The following TSPOAP1 variants were observed in gnomAD, a reference collection of about 807,000 sequenced individuals.
TSPOAP1 encodes TSPO associated protein 1.
A neutral mutation model predicts 197.0 loss-of-function variants in TSPOAP1; 87 were observed. The ratio of observed to expected loss-of-function variants is 0.44; its 90% CI spans 0.37 to 0.53. The LOEUF (loss-of-function observed/expected upper bound fraction) is 0.53, where lower values mean the gene tolerates loss of function less well. Ranked by LOEUF, TSPOAP1 falls within the 20% of genes least tolerant of loss-of-function variation. The pLI is 0.00. For synonymous variants in TSPOAP1, 913 were observed against 998.9 expected, an observed-to-expected ratio of 0.91 and a Z score of 1.62; for missense variants, 2,174 against 2,411.3, an observed-to-expected ratio of 0.90 and a Z score of 2.06.
chr17:58,304,911 C>G lies in TSPOAP1; in HGVS notation c.5544+150G>C, dbSNP rs764269718. 1.4e-5 allele frequency: 10 copies of G among 714,728 alleles called. No individual in the cohort carries two copies. The Admixed American group carries it at 1.8e-4, about 13-fold the overall frequency. The allele number at this position is 714,728 out of a possible 1,614,324, so 44.3% of individuals were successfully genotyped here. On this transcript the variant is annotated intron_variant, in intron 30 of 31. Coordinates refer to ENST00000343736, the MANE Select transcript of TSPOAP1 (RefSeq NM_004758.4). This position sits in a 1 kb window ranked among gnomAD's most constrained non-coding sequence, Gnocchi z 4.2. Reference sequence around the variant, plus strand: ...GGCAGCTGCTTGGTGGGGCTCCCCTCTGGTGGTCAATTAGCGGCTGCACGC... The same window carrying G: ...GGCAGCTGCTTGGTGGGGCTCCCCTGTGGTGGTCAATTAGCGGCTGCACGC...
chr17:58,305,275 A>G, intron 29 of TSPOAP1, 104 bp from the exon 30 acceptor site: 3 of 1,496,836 alleles, frequency 2.0e-6, no homozygotes, highest in East Asian at 2.3e-5. Flanking sequence ...ACCACTGTCC[A>G]GGGAGGTGAC....
intron 11 of TSPOAP1, 25 bp from the exon 12 acceptor site, chr17:58,320,154 A>C: frequency 6.2e-7 from 1 of 1,614,140 alleles, no homozygotes; most frequent in Non-Finnish European, 8.5e-7. Context: ...GAAGCAGAGA[A>C]CAGGTTAGAA....
At chr17:58,318,172 C>T in intron 14 of TSPOAP1, 108 bp downstream of exon 14, 1 of 1,372,368 alleles carries the variant, frequency 7.3e-7, no homozygotes, top group Non-Finnish European at 9.9e-7. Context: ...CTTGGGACCC[C>T]AGAAGTTGCC....
intron 31 of TSPOAP1, chr17:58,303,730 C>G (rs1214115790): frequency 6.6e-6 from 1 of 152,304 alleles, no homozygotes; most frequent in Admixed American, 6.5e-5. Context: ...TCACTGCAGC[C>G]TCGACCTCCT....
Position 58,322,327 on chromosome 17 carries a change from T to G in TSPOAP1, c.1403A>C (p.Glu468Ala), listed in dbSNP as rs749008098. Residue 468 changes from glutamate (E) to alanine (A), a missense_variant, in exon 10 of 32, where the codon GAG (glutamate) becomes GCG (alanine). Transcript: ENST00000343736. This position sits in a 1 kb window ranked among gnomAD's most constrained non-coding sequence, Gnocchi z 5.0. ...CCCCACCTGCTGCAGTCTCCGGACC[T>G]CCTCCTGCTTCTCCCGTAGGCTGAG... The part of the protein sequence containing the change: ...ARLSLREKQE[E>A]VRRLQQAQAE... The G allele has an allele frequency of 1.2e-6, 2 of 1,604,030 alleles. No individual in the cohort carries two copies. The highest frequency in any genetic ancestry group is 3.3e-5 in the Admixed American group (2 of 60,008).
At position 58,324,802 on chromosome 17, in the gene TSPOAP1, G is replaced by A. The variant is rs1442361795; in HGVS notation, c.942+9C>T. 2.1e-6 allele frequency: 3 copies of A among 1,447,396 alleles called. No homozygotes were observed. Among genetic ancestry groups the A allele is most frequent in the African/African-American group, 2.9e-5 (2 of 69,092 alleles). The allele number at this position is 1,447,396 out of a possible 1,614,324, so 89.7% of individuals were successfully genotyped here. On this transcript the variant is annotated intron_variant, in intron 5 of 31. Coordinates refer to ENST00000343736, the MANE Select transcript of TSPOAP1 (RefSeq NM_004758.4). The surrounding 1 kb of genome is among the most constrained non-coding windows in gnomAD (Gnocchi z 5.8). ...GCACCCACACACCTGCCCTTGCGCC[G>A]GCGCTCACCTCTCCCGGGGCCCCGG...
chr17:58,302,198 C>T lies in TSPOAP1; in HGVS notation c.*282G>A. On this transcript the variant is annotated 3_prime_UTR_variant, in exon 32 of 32. Coordinates refer to ENST00000343736, the MANE Select transcript of TSPOAP1 (RefSeq NM_004758.4). The stretch of plus-strand genomic sequence containing the variant: ...GGGCTCTGGGCCCAGTCTGAGCCTT[C>T]CCTGCTCAGCAGAGACAGTGATCTG... 8.0e-7 allele frequency: 1 copy of T among 1,253,872 alleles called. No individual in the cohort carries two copies. The highest frequency in any genetic ancestry group is 1.0e-6 in the Non-Finnish European group (1 of 965,732). 77.7% of individuals were successfully genotyped at this position (1,253,872 alleles called of 1,614,324 possible).
chr17:58,324,756 GTTCCCC>G lies in TSPOAP1; in HGVS notation c.942+49_942+54del. On this transcript the variant is annotated intron_variant, in intron 5 of 31. Transcript: ENST00000343736. The surrounding 1 kb of genome is among the most constrained non-coding windows in gnomAD (Gnocchi z 5.8). Reference sequence around the variant, plus strand: ...CGGTGCAGGGGAGATCCCGGTGGTCGTTCCCCCCACCCATCTGCACGCACCCACACA... The same window carrying G: ...CGGTGCAGGGGAGATCCCGGTGGTCGCCACCCATCTGCACGCACCCACACA... 2 of 1,369,722 alleles carry G rather than the reference GTTCCCC, an allele frequency of 1.5e-6. No homozygotes were observed. Among genetic ancestry groups the G allele is most frequent in the Non-Finnish European group, 1.9e-6 (2 of 1,046,598 alleles). The allele number at this position is 1,369,722 out of a possible 1,614,324, so 84.8% of individuals were successfully genotyped here. A position where few individuals can be genotyped will look rare whatever the true frequency, so the allele number is the denominator to read the frequency against.
rs370241225 is a variant in TSPOAP1 at position 58,312,183 on chromosome 17, G to A, written c.2638C>T (p.Arg880Trp). ...AGCTGGCTGGGCACCACTCCGGCCCGGGCACCCACCGCCAAGCAACAGCGC... is the reference window on the plus strand; with the variant it reads ...AGCTGGCTGGGCACCACTCCGGCCCAGGCACCCACCGCCAAGCAACAGCGC... Reference protein sequence around the residue: ...PLRCCLAVGARAGVVPSQLRV... With the variant: ...PLRCCLAVGAWAGVVPSQLRV... The change falls in exon 17 of 32, where the codon CGG becomes TGG. Residue 880 changes from arginine (R) to tryptophan (W), a missense_variant. Arg to Trp is a moderately radical substitution (Grantham distance 101). Around this residue, in one of 5 missense-constraint regions of TSPOAP1, gnomAD observed 1,933 missense variants for 2,139.0 expected, o/e 0.90. Coordinates refer to ENST00000343736, the MANE Select transcript of TSPOAP1 (RefSeq NM_004758.4). 2.2e-5 allele frequency: 36 copies of A among 1,612,754 alleles called. No individual in the cohort carries two copies. Among genetic ancestry groups the A allele is most frequent in the Middle Eastern group, 1.6e-4 (1 of 6,082 alleles).
At position 58,302,170 on chromosome 17, in the gene TSPOAP1, CG is replaced by C; in HGVS notation, c.*309del. The stretch of plus-strand genomic sequence containing the variant: ...ATGCCACAGTGTTAACGCAGAAGAA[CG>C]GGGGCTCTGGGCCCAGTCTGAGCCT... On this transcript the variant is annotated 3_prime_UTR_variant, in exon 32 of 32. Transcript: ENST00000343736. 1 of 1,113,376 alleles carries C rather than the reference CG, an allele frequency of 9.0e-7. No homozygotes were observed. Among genetic ancestry groups the C allele is most frequent in the Non-Finnish European group, 1.2e-6 (1 of 859,720 alleles). The allele number at this position is 1,113,376 out of a possible 1,614,324, so 69.0% of individuals were successfully genotyped here.
intron 22 of TSPOAP1, 60 bp from the exon 23 acceptor site, chr17:58,308,001 C>A: frequency 6.8e-7 from 1 of 1,465,614 alleles, no homozygotes; most frequent in Non-Finnish European, 9.3e-7. Context: ...TGGGCTCGTG[C>A]TCCCCCAGCT....
rs181808491 is a variant in TSPOAP1, at chr17:58,305,664, G to A, written c.5258-21C>T. ...GGGGCCTGCAGGGGGAGTAGGAGAA[G>A]ACTCTGGACTCTCTGGAGAGCCCTA... is the stretch of plus-strand genomic sequence containing the variant. On this transcript the variant is annotated intron_variant, in intron 27 of 31. Transcript: ENST00000343736. 1,683 of 1,385,706 alleles carry A rather than the reference G, an allele frequency of 1.2e-3. 5 individuals carry two copies. The highest frequency in any genetic ancestry group is 1.5e-3 in the Non-Finnish European group (1,497 of 1,008,704). The allele number at this position is 1,385,706 out of a possible 1,614,324, so 85.8% of individuals were successfully genotyped here.
Position 58,308,902 on chromosome 17 carries a change from C to A in TSPOAP1, c.4370G>T (p.Gly1457Val). ...RERGGLPVIE[G>V]PRTGLEASGR... ...GCTAGCCTCTAGTCCAGTCCTGGGG[C>A]CCTCAATTACGGGGAGGCCACCCCT... is the stretch of plus-strand genomic sequence containing the variant. The change falls in exon 22 of 32, where the codon GGC becomes GTC. Residue 1457 changes from glycine (G) to valine (V), a missense_variant. Gly to Val is a moderately radical substitution (Grantham distance 109). Transcript: ENST00000343736. 1.3e-6 allele frequency: 2 copies of A among 1,596,372 alleles called. No individual in the cohort carries two copies. Among genetic ancestry groups the A allele is most frequent in the Non-Finnish European group, 1.7e-6 (2 of 1,170,938 alleles).
Position 58,304,293 on chromosome 17 carries a change from C to T in TSPOAP1, c.*32+45G>A, listed in dbSNP as rs1970802752. The T allele has an allele frequency of 9.8e-6, 15 of 1,525,538 alleles. No individual in the cohort carries two copies. Among genetic ancestry groups the T allele is most frequent in the African/African-American group, 1.4e-5 (1 of 73,110 alleles). The allele number at this position is 1,525,538 out of a possible 1,614,324, so 94.5% of individuals were successfully genotyped here. A position where few individuals can be genotyped will look rare whatever the true frequency, so the allele number is the denominator to read the frequency against. ...CAAAGGAGCACTGTCTGATTATGGTCAAGTGGGGGTGGACGGTCACACAGG... is the reference window on the plus strand; with the variant it reads ...CAAAGGAGCACTGTCTGATTATGGTTAAGTGGGGGTGGACGGTCACACAGG... On this transcript the variant is annotated intron_variant, in intron 31 of 31. Coordinates refer to ENST00000343736, the MANE Select transcript of TSPOAP1 (RefSeq NM_004758.4). The surrounding 1 kb of genome is among the most constrained non-coding windows in gnomAD (Gnocchi z 4.2).
chr17:58,316,593 C>A lies in TSPOAP1; in HGVS notation c.1873-53G>T. The A allele has an allele frequency of 2.7e-6, 4 of 1,469,706 alleles. No individual in the cohort carries two copies. In the South Asian group the frequency reaches 5.0e-5, roughly 18 times the overall value. 91.0% of individuals were successfully genotyped at this position (1,469,706 alleles called of 1,614,324 possible). A position where few individuals can be genotyped will look rare whatever the true frequency, so the allele number is the denominator to read the frequency against. On this transcript the variant is annotated intron_variant, in intron 14 of 31. Transcript: ENST00000343736. ...CTCTTCAGGGCCTGGGGCCAAGCGC[C>A]AAGCAGGCAGGTTTCCAGGCTGAGC...
At position 58,306,964 on chromosome 17, in the gene TSPOAP1, A is replaced by G. The variant is rs769824321; in HGVS notation, c.4988T>C (p.Phe1663Ser). The G allele has an allele frequency of 1.4e-5, 23 of 1,611,944 alleles. No individual in the cohort carries two copies. Among genetic ancestry groups the G allele is most frequent in the Non-Finnish European group, 1.9e-5 (22 of 1,179,670 alleles). The change falls in exon 25 of 32, where the codon TTT (phenylalanine) becomes TCT (serine). Residue 1663 changes from phenylalanine (F) to serine (S), a missense_variant. Coordinates refer to ENST00000343736, the MANE Select transcript of TSPOAP1 (RefSeq NM_004758.4). ...PFREGQILKV[F>S]GDKDADGFYQ... Reference sequence around the variant, plus strand: ...GAAGCCATCGGCATCCTTGTCCCCAAACACCTGGAGGCAAAACCAGTGGTC... The same window carrying G: ...GAAGCCATCGGCATCCTTGTCCCCAGACACCTGGAGGCAAAACCAGTGGTC...
chr17:58,309,906 A>G lies in TSPOAP1; in HGVS notation c.3891+61T>C, dbSNP rs1971026447. ...TGGTGGTCAGAGCACCTGCTGACAC[A>G]CAGTGGGGAGGCCCCGGAGTTTGAG... On this transcript the variant is annotated intron_variant, in intron 21 of 31. Transcript: ENST00000343736. This position sits in a 1 kb window ranked among gnomAD's most constrained non-coding sequence, Gnocchi z 5.0. 8 of 1,550,514 alleles carry G rather than the reference A, an allele frequency of 5.2e-6. No individual in the cohort carries two copies. In the South Asian group the frequency reaches 7.4e-5, roughly 14 times the overall value.
At chr17:58,307,813 C>T in intron 23 of TSPOAP1, 29 bp downstream of exon 23, 2 of 1,613,848 alleles carry the variant, frequency 1.2e-6, no homozygotes, top group African/African-American at 1.3e-5. Flanking sequence ...GGCCGAGCAG[C>T]TCTAGCTCCA....
Position 58,305,756 on chromosome 17 carries a change from G to A in TSPOAP1, c.5257+77C>T, listed in dbSNP as rs537880446. On this transcript the variant is annotated intron_variant, in intron 27 of 31. Transcript: ENST00000343736. ...TGTCACCACCTCCCCACTAGCTGTA[G>A]CCAATGGGGCGAGGCCAGAGGGGCC... 135 of 1,576,404 alleles carry A rather than the reference G, an allele frequency of 8.6e-5. 4 individuals carry two copies. In the South Asian group the frequency reaches 1.4e-3, roughly 16 times the overall value.
Sources: gnomAD v4.1 joint callset for allele counts on GRCh38, gnomAD v4.1.1 for gene constraint, gnomAD v4.1.1 regional missense constraint, Gnocchi (gnomAD v3.1) non-coding constraint, MANE v1.5 for transcripts, NCBI Gene and HGNC (gene_info 2026-07-23, HGNC 2026-07-21) for gene names.